NRXN1: variants seen among roughly 807,000 people sequenced by gnomAD.
NRXN1 encodes neurexin 1, also known as neurexin-1.
In NRXN1, 39 loss-of-function variants were observed where a neutral mutation model predicts 150.9. That is an observed-to-expected ratio of 0.26 (90% confidence interval 0.20 to 0.34). NRXN1 has a LOEUF of 0.34. NRXN1 is among the 10% of genes least tolerant of loss of function. The pLI is 1.00. For synonymous variants in NRXN1, 924 were observed against 757.0 expected, an observed-to-expected ratio of 1.22 and a Z score of -3.62; for missense variants, 1,815 against 1,949.9, an observed-to-expected ratio of 0.93 and a Z score of 1.30.
chr2:50,434,047 T>C (rs1004148471), intron 17 of NRXN1, among the ~76,000 whole-genome samples: 1,712 of 87,576 alleles, frequency 0.02, 323 homozygotes, highest in East Asian at 0.12. Flanking sequence ...TAAGCCATTT[T>C]TTTTTTTTTT....
chr2:50,479,265 G>A (rs554951386), intron 15 of NRXN1, among the ~76,000 whole-genome samples: 5 of 152,016 alleles, frequency 3.3e-5, no homozygotes, highest in Non-Finnish European at 7.4e-5. Flanking sequence ...TTTTCCCACT[G>A]CTCCATCCTT....
chr2:49,936,083 T>G (rs1670978013), intron 22 of NRXN1, among the ~76,000 whole-genome samples: 1 of 152,248 alleles, frequency 6.6e-6, no homozygotes. Flanking sequence ...TAAAAACTTA[T>G]GCTGTACTCA....
At chr2:50,580,958 G>A (rs1411282085) in intron 8 of NRXN1, among the ~76,000 whole-genome samples, 2 of 152,006 alleles carry the variant, frequency 1.3e-5, no homozygotes, top group Non-Finnish European at 2.9e-5. Context: ...TACCTTAATC[G>A]AAGGTAATAT....
At chr2:50,706,356 G>T (rs754236773) in intron 5 of NRXN1, among the ~76,000 whole-genome samples, 3 of 152,158 alleles carry the variant, frequency 2.0e-5, no homozygotes, top group Non-Finnish European at 4.4e-5. Flanking sequence ...CATCACGCAT[G>T]AGATACATTC....
chr2:50,563,430 C>T (rs190749626), intron 8 of NRXN1, among the ~76,000 whole-genome samples: 31 of 152,264 alleles, frequency 2.0e-4, no homozygotes, highest in Admixed American at 1.2e-3. Flanking sequence ...GTTGTAAGTG[C>T]GCTAATTCTA....
chr2:50,515,460 C>G (rs1445299380), intron 12 of NRXN1, among the ~76,000 whole-genome samples: 3 of 152,122 alleles, frequency 2.0e-5, no homozygotes, highest in Non-Finnish European at 4.4e-5. Flanking sequence ...AAACCAGTCC[C>G]TCATGCCAAA....
intron 21 of NRXN1, among the ~76,000 whole-genome samples, chr2:50,019,636 C>T (rs766173013): frequency 7.5e-5 from 1 of 13,280 alleles, no homozygotes. Flanking sequence ...AGCAAGATTC[C>T]GTCTCAAAAA....
At chr2:50,686,338 C>A (rs559567065) in intron 5 of NRXN1, among the ~76,000 whole-genome samples, 1 of 152,036 alleles carries the variant, frequency 6.6e-6, no homozygotes, top group South Asian at 2.1e-4. Flanking sequence ...AAACAGTTGA[C>A]GTTGCAACCA....
chr2:50,861,115 T>C (rs1676071071), intron 5 of NRXN1, among the ~76,000 whole-genome samples: 1 of 152,034 alleles, frequency 6.6e-6, no homozygotes, highest in South Asian at 2.1e-4. Flanking sequence ...CCAAGTTAGA[T>C]GAGTCCCAAA....
At chr2:50,936,799 T>C (rs1288696890) in intron 2 of NRXN1, among the ~76,000 whole-genome samples, 1 of 152,054 alleles carries the variant, frequency 6.6e-6, no homozygotes, top group Non-Finnish European at 1.5e-5. Flanking sequence ...GGCCTAATAA[T>C]AGACTATGAG....
chr2:50,385,943 T>C (rs1161084961), intron 17 of NRXN1, among the ~76,000 whole-genome samples: 1 of 151,934 alleles, frequency 6.6e-6, no homozygotes, highest in Non-Finnish European at 1.5e-5. Flanking sequence ...TACGAAAAGG[T>C]GGAATAAAAT....
intron 17 of NRXN1, among the ~76,000 whole-genome samples, chr2:50,259,697 G>C (rs1302178191): frequency 6.6e-6 from 1 of 151,746 alleles, no homozygotes; most frequent in African/African-American, 2.4e-5. Context: ...AAACACACAT[G>C]AATTGGCTTT....
chr2:50,248,246 C>T (rs1450822616), intron 17 of NRXN1, among the ~76,000 whole-genome samples: 1 of 152,094 alleles, frequency 6.6e-6, no homozygotes, highest in Admixed American at 6.6e-5. Context: ...AACTTCTGGC[C>T]TCAATAGATC....
At position 50,643,658 on chromosome 2, in the gene NRXN1, T is replaced by G. The variant is rs112385086; in HGVS notation, c.833-20043A>C. On this transcript the variant is annotated intron_variant, in intron 5 of 22. Coordinates refer to ENST00000401669, the MANE Select transcript of NRXN1 (RefSeq NM_001330078.2). ...TCTTCCGATACTGTTAAGTATTGTA[T>G]CCTTTATGTAATTATTAAATATCAT... Among the ~76,000 whole-genome samples the G allele has an allele frequency of 2.0e-3, 310 of 152,050 alleles. 1 individual carries two copies. Among genetic ancestry groups the G allele is most frequent in the African/African-American group, 7.0e-3 (292 of 41,534 alleles).
chr2:50,484,446 C>G (rs1022814887), intron 15 of NRXN1, among the ~76,000 whole-genome samples: 2 of 152,088 alleles, frequency 1.3e-5, no homozygotes, highest in African/African-American at 4.8e-5. Flanking sequence ...AAGCAGGGAT[C>G]CCTCCTCCAG....
At chr2:50,188,744 T>C (rs1454493443) in intron 18 of NRXN1, among the ~76,000 whole-genome samples, 2 of 151,874 alleles carry the variant, frequency 1.3e-5, no homozygotes, top group Non-Finnish European at 2.9e-5. Flanking sequence ...GGTATTTATG[T>C]GGCCAACAAA....
At chr2:50,478,449 A>G (rs80138327) in intron 15 of NRXN1, among the ~76,000 whole-genome samples, 3,678 of 152,256 alleles carry the variant, frequency 0.024, 151 homozygotes, top group African/African-American at 0.084. Flanking sequence ...TCAAGCAGAC[A>G]TTTTGCTCTG....
rs1160149775 is a variant in NRXN1 at position 51,028,072 on chromosome 2, G to C, written c.202C>G (p.Leu68Val). ...CAGAAGCCCTCGTCGTCGAAGTAGA[G>C]CACGAGGCCGCGGGCGCTGCGAGTC... Reference protein sequence around the residue: ...LKTRSARGLVLYFDDEGFCDF... With the variant: ...LKTRSARGLVVYFDDEGFCDF... Residue 68 changes from leucine to valine, a missense_variant, in exon 2 of 23, where the codon CTC becomes GTC. Transcript: ENST00000401669. 1.9e-6 allele frequency: 3 copies of C among 1,593,190 alleles called. No individual in the cohort carries two copies. The highest frequency in any genetic ancestry group is 2.2e-5 in the East Asian group (1 of 44,488).
At chr2:50,183,976 C>A (rs750541660) in intron 18 of NRXN1, among the ~76,000 whole-genome samples, 1 of 151,892 alleles carries the variant, frequency 6.6e-6, no homozygotes, top group African/African-American at 2.4e-5. Context: ...TACATTCGCA[C>A]TGATGTAATT....
Sources: allele counts gnomAD v4.1 joint callset (sites outside exome capture counted in the v4.1 genomes callset), GRCh38; gene constraint gnomAD v4.1.1; transcripts MANE v1.5; gene names NCBI Gene and HGNC (gene_info 2026-07-23, HGNC 2026-07-21).